MAP4K4: variants seen among roughly 807,000 people sequenced by gnomAD.
MAP4K4 encodes HPK/GCK-like kinase HGK.
MAP4K4 carries 38 observed loss-of-function variants against 189.6 expected under a neutral mutation model. That is an observed-to-expected ratio of 0.20 (90% CI 0.15 to 0.26). The LOEUF (loss-of-function observed/expected upper bound fraction) is 0.26, where lower values mean the gene tolerates loss of function less well. Among genes scored for constraint, MAP4K4 ranks in the 10% least tolerant of loss-of-function variants. MAP4K4 has a pLI of 1.00. For missense variants in MAP4K4, 1,054 were observed against 1,726.9 expected (o/e 0.61, Z 6.91); for synonymous variants, 610 against 624.3 (o/e 0.98, Z 0.34).
chr2:101,824,010 C>T, exon 4 of MAP4K4: 1 of 1,607,892 alleles, frequency 6.2e-7, no homozygotes, highest in Non-Finnish European at 8.5e-7. Context: ...TATTATGGTG[C>T]TTTCATCAAA....
chr2:101,882,979 T>G (rs1485068243), intron 28 of MAP4K4, among the ~76,000 whole-genome samples: 1 of 152,196 alleles, frequency 6.6e-6, no homozygotes, highest in Non-Finnish European at 1.5e-5. Flanking sequence ...TTTCCACTCC[T>G]CCTCTTTGAC....
chr2:101,872,911 A>G (rs2098090533), intron 24 of MAP4K4, among the ~76,000 whole-genome samples: 1 of 152,228 alleles, frequency 6.6e-6, no homozygotes, highest in South Asian at 2.1e-4. Flanking sequence ...GCAGTATTTT[A>G]CTATAACCCT....
intron 2 of MAP4K4, among the ~76,000 whole-genome samples, chr2:101,776,931 A>T (rs1327896552): frequency 6.6e-6 from 1 of 152,190 alleles, no homozygotes; most frequent in East Asian, 1.9e-4. Flanking sequence ...TAAATTAAAA[A>T]TATATATTTT....
intron 4 of MAP4K4, 83 bp from the exon 5 acceptor site, chr2:101,825,236 A>G (rs893169072): frequency 4.0e-6 from 3 of 742,860 alleles, no homozygotes; most frequent in African/African-American, 1.8e-5. Flanking sequence ...AGGTCTTTAG[A>G]AAAGAGAGGG....
chr2:101,806,532 T>C (rs4550690), intron 3 of MAP4K4, among the ~76,000 whole-genome samples: 23,948 of 152,048 alleles, frequency 0.16, 5,754 homozygotes, highest in African/African-American at 0.52. Flanking sequence ...CGTGCCACCG[T>C]GCCCGGCTTA....
intron 3 of MAP4K4, among the ~76,000 whole-genome samples, chr2:101,818,353 GT>G (rs1205841305): frequency 6.6e-6 from 1 of 152,164 alleles, no homozygotes; most frequent in Non-Finnish European, 1.5e-5. Context: ...CAAAGATAGA[GT>G]TAACAGTCAG....
chr2:101,749,311 G>C (rs6734418), intron 2 of MAP4K4, among the ~76,000 whole-genome samples: 40,845 of 149,806 alleles, frequency 0.27, 5,959 homozygotes, highest in South Asian at 0.47. Flanking sequence ...CCAAAACAGA[G>C]ATATAGATCA....
chr2:101,869,935 C>T lies in MAP4K4; in HGVS notation c.2639+138C>T, dbSNP rs998307903. Reference sequence around the variant, plus strand: ...AGTTCTCGTGGATTCAGCAGCAGGTCGCCTTGTGTTTCCCCTTCTCTTCGT... The same window carrying T: ...AGTTCTCGTGGATTCAGCAGCAGGTTGCCTTGTGTTTCCCCTTCTCTTCGT... On this transcript the variant is annotated intron_variant, in intron 22 of 32. Coordinates refer to ENST00000324219, the Ensembl canonical transcript of MAP4K4. 9.2e-6 allele frequency: 11 copies of T among 1,197,014 alleles called. No individual in the cohort carries two copies. The South Asian group carries it at 1.7e-4, about 18-fold the overall frequency. The allele number at this position is 1,197,014 out of a possible 1,614,324, so 74.1% of individuals were successfully genotyped here. A position where few individuals can be genotyped will look rare whatever the true frequency, so the allele number is the denominator to read the frequency against.
At position 101,698,156 on chromosome 2, in the gene MAP4K4, G is replaced by T; in HGVS notation, c.57+19G>T. ...CCTGCGGGTGAGTGGGCCCGCGAGC[G>T]GGCGCGCGGGGAGCGGGCAGCCGGC... is the stretch of plus-strand genomic sequence containing the variant. On this transcript the variant is annotated intron_variant, in intron 1 of 32. Transcript: ENST00000324219. 1 of 1,165,416 alleles carries T rather than the reference G, an allele frequency of 8.6e-7. No homozygotes were observed. The highest frequency in any genetic ancestry group is 2.5e-4 in the Middle Eastern group (1 of 4,078). The allele number at this position is 1,165,416 out of a possible 1,614,324, so 72.2% of individuals were successfully genotyped here.
At chr2:101,797,400 TCA>T (rs1201132487) in intron 3 of MAP4K4, 1 of 1,290,486 alleles carries the variant, frequency 7.7e-7, no homozygotes, top group Admixed American at 2.3e-5. Flanking sequence ...CAGAAATGTA[TCA>T]GTTTTTGACA....
At chr2:101,779,131 G>A (rs1338412032) in intron 2 of MAP4K4, among the ~76,000 whole-genome samples, 1 of 152,142 alleles carries the variant, frequency 6.6e-6, no homozygotes, top group African/African-American at 2.4e-5. Flanking sequence ...TTGAGAGAAT[G>A]AACACACAGT....
chr2:101,706,555 T>C (rs1573873100), intron 2 of MAP4K4, among the ~76,000 whole-genome samples: 1 of 152,344 alleles, frequency 6.6e-6, no homozygotes, highest in Admixed American at 6.5e-5. Flanking sequence ...GTATAACAAA[T>C]GCCTAACAAA....
chr2:101,865,955 A>C (rs2097796940), intron 18 of MAP4K4, among the ~76,000 whole-genome samples: 2 of 152,230 alleles, frequency 1.3e-5, no homozygotes, highest in African/African-American at 4.8e-5. Flanking sequence ...AATCCATCCC[A>C]GCTCATGCTT....
At chr2:101,861,133 A>G (rs1431953738) in intron 16 of MAP4K4, 147 bp downstream of exon 16, 16 of 680,900 alleles carry the variant, frequency 2.3e-5, no homozygotes, top group Non-Finnish European at 2.4e-5. Context: ...AAAAGAAGGC[A>G]TAGACTCAGT....
chr2:101,736,395 T>A (rs2060283924), intron 2 of MAP4K4, among the ~76,000 whole-genome samples: 1 of 152,206 alleles, frequency 6.6e-6, no homozygotes, highest in Admixed American at 6.5e-5. Context: ...CACTTCTGTA[T>A]GCCTCTCTCT....
At chr2:101,885,716 GACA>G (rs1346231567) in intron 29 of MAP4K4, among the ~76,000 whole-genome samples, 10 of 152,156 alleles carry the variant, frequency 6.6e-5, no homozygotes, top group African/African-American at 1.4e-4. Flanking sequence ...AAATTCTGAT[GACA>G]ACATTATATA....
At chr2:101,759,357 G>A (rs927985280) in intron 2 of MAP4K4, among the ~76,000 whole-genome samples, 1 of 151,926 alleles carries the variant, frequency 6.6e-6, no homozygotes, top group Non-Finnish European at 1.5e-5. Flanking sequence ...TGAGTTGGCG[G>A]TCCTGAATTT....
intron 2 of MAP4K4, among the ~76,000 whole-genome samples, chr2:101,759,132 C>CA (rs754123985): frequency 1.7e-3 from 99 of 58,302 alleles, no homozygotes; most frequent in African/African-American, 4.9e-3. Flanking sequence ...GACTCCATCT[C>CA]AAAAAAAAAG....
exon 13 of MAP4K4, chr2:101,856,057 A>G: frequency 1.3e-6 from 2 of 1,551,830 alleles, no homozygotes; most frequent in South Asian, 1.2e-5. Context: ...AGAGGCGTCT[A>G]GAGGAGTTGG....
Sources: allele counts gnomAD v4.1 joint callset (sites outside exome capture counted in the v4.1 genomes callset), GRCh38; gene constraint gnomAD v4.1.1; transcripts MANE v1.5; gene names NCBI Gene and HGNC (gene_info 2026-07-23, HGNC 2026-07-21).